Variants in PARD3 observed in about 807,000 individuals in gnomAD.
The protein encoded by PARD3 is par-3 family cell polarity regulator, also known as partitioning defective 3 homolog.
PARD3 carries 75 observed loss-of-function variants against 155.4 expected under a neutral mutation model. That is an observed-to-expected ratio of 0.48 (90% confidence interval 0.40 to 0.58). PARD3 has a LOEUF of 0.58. Ranked by LOEUF, PARD3 falls within the 20% of genes least tolerant of loss-of-function variation. The pLI is 0.00. For synonymous variants in PARD3, 576 were observed against 610.5 expected (o/e 0.94, Z 0.83); for missense variants, 1,642 against 1,721.7 (o/e 0.95, Z 0.82).
intron 22 of PARD3, among the ~76,000 whole-genome samples, chr10:34,220,632 T>C (rs1303484117): frequency 2.6e-5 from 4 of 152,172 alleles, no homozygotes; most frequent in African/African-American, 9.7e-5. Flanking sequence ...TGCCTAATTC[T>C]GCCTTACCTA....
intron 2 of PARD3, among the ~76,000 whole-genome samples, chr10:34,537,436 A>C (rs2083301707): frequency 1.3e-5 from 2 of 152,244 alleles, no homozygotes. Flanking sequence ...AGAAGGAAAT[A>C]AGAGCAGTAC....
At chr10:34,297,404 C>T (rs1242581128) in intron 20 of PARD3, among the ~76,000 whole-genome samples, 5 of 152,198 alleles carry the variant, frequency 3.3e-5, no homozygotes. Context: ...TATAATAAAA[C>T]TACTGTATAA....
chr10:34,474,520 C>A (rs1368951684), intron 3 of PARD3, among the ~76,000 whole-genome samples: 4 of 152,148 alleles, frequency 2.6e-5, no homozygotes, highest in African/African-American at 9.7e-5. Flanking sequence ...CACGCGTGCA[C>A]AAAGTTTAGT....
intron 2 of PARD3, among the ~76,000 whole-genome samples, chr10:34,613,212 T>C (rs1022510713): frequency 5.9e-5 from 9 of 152,174 alleles, no homozygotes; most frequent in African/African-American, 9.7e-5. Flanking sequence ...ATTTAAAACA[T>C]AGCAAAGTGA....
At chr10:34,407,761 G>A (rs1300203493) in intron 5 of PARD3, among the ~76,000 whole-genome samples, 1 of 151,962 alleles carries the variant, frequency 6.6e-6, no homozygotes, top group African/African-American at 2.4e-5. Flanking sequence ...TGAGCCCAGG[G>A]AGTTCAAGGC....
intron 1 of PARD3, among the ~76,000 whole-genome samples, chr10:34,756,392 A>G (rs1214216108): frequency 7.6e-5 from 11 of 145,062 alleles, no homozygotes; most frequent in Non-Finnish European, 3.0e-5. Context: ...TGACCTCATG[A>G]TCTGCCCGCC....
At chr10:34,597,322 T>C (rs1363314152) in intron 2 of PARD3, among the ~76,000 whole-genome samples, 1 of 151,706 alleles carries the variant, frequency 6.6e-6, no homozygotes, top group Non-Finnish European at 1.5e-5. Context: ...AATATTGATA[T>C]ACTGCTTGTG....
intron 5 of PARD3, among the ~76,000 whole-genome samples, chr10:34,442,473 C>CG (rs1394050520): frequency 6.6e-6 from 1 of 152,150 alleles, no homozygotes; most frequent in African/African-American, 2.4e-5. Flanking sequence ...AGGGGAGCCC[C>CG]GGTGGCTCAG....
chr10:34,786,501 C>T lies in PARD3; in HGVS notation c.120+28375G>A, dbSNP rs1389556679. ...GGAGGCTCTTAGGGATGGCAGAAGTCCACTGACATTTTGAACAGCCTTATA... is the reference window on the plus strand; with the variant it reads ...GGAGGCTCTTAGGGATGGCAGAAGTTCACTGACATTTTGAACAGCCTTATA... On this transcript the variant is annotated intron_variant, in intron 1 of 24. Coordinates refer to ENST00000374788, the MANE Select transcript of PARD3 (RefSeq NM_001184785.2). 2.0e-5 allele frequency among the ~76,000 whole-genome samples: 3 copies of T among 152,204 alleles called. No individual in the cohort carries two copies. The East Asian group carries it at 5.8e-4, about 29-fold the overall frequency.
At position 34,269,846 on chromosome 10, in the gene PARD3, T is replaced by C. The variant is rs1481547928; in HGVS notation, c.3230A>G (p.Tyr1077Cys). The change falls in exon 22 of 25, where the codon TAT becomes TGT. Residue 1077 changes from tyrosine (Y) to cysteine (C), a missense_variant. By Grantham distance (194) the Tyr-to-Cys change is radical. Around this residue, in one of 3 missense-constraint regions of PARD3, gnomAD observed 1,529 missense variants for 1,587.3 expected, o/e 0.96. Coordinates refer to ENST00000374788, the MANE Select transcript of PARD3 (RefSeq NM_001184785.2). The stretch of plus-strand genomic sequence containing the variant: ...CCGATGAAAATCTTGAATTTCAGCA[T>C]AGTCACGCTCTCGAGCTTGTCGTTC... ...FRERQARERD[Y>C]AEIQDFHRTF... is the part of the protein sequence containing the mutation. 4.3e-6 allele frequency: 7 copies of C among 1,613,936 alleles called. No homozygotes were observed. Among genetic ancestry groups the C allele is most frequent in the African/African-American group, 2.7e-5 (2 of 75,056 alleles).
chr10:34,710,599 G>C (rs1252587372), intron 1 of PARD3, among the ~76,000 whole-genome samples: 1 of 152,042 alleles, frequency 6.6e-6, no homozygotes, highest in Non-Finnish European at 1.5e-5. Context: ...CTTTCTAAAA[G>C]TCAAAATCCA....
intron 19 of PARD3, among the ~76,000 whole-genome samples, chr10:34,319,450 T>C (rs575202511): frequency 1.4e-5 from 2 of 146,268 alleles, no homozygotes; most frequent in Non-Finnish European, 2.9e-5. Flanking sequence ...TTGTAAGCCA[T>C]TGTCTTCCTC....
At chr10:34,119,380 G>GA (rs2132675003) in intron 24 of PARD3, among the ~76,000 whole-genome samples, 1 of 152,306 alleles carries the variant, frequency 6.6e-6, no homozygotes, top group South Asian at 2.1e-4. Context: ...CTTTTTTAGG[G>GA]AGCTTGTGGG....
intron 1 of PARD3, among the ~76,000 whole-genome samples, chr10:34,779,426 C>A (rs1268891063): frequency 1.3e-5 from 2 of 151,880 alleles, no homozygotes; most frequent in Non-Finnish European, 2.9e-5. Context: ...CTGGCTAACA[C>A]GGTGAAACCC....
At chr10:34,274,484 G>T (rs1955781358) in intron 21 of PARD3, among the ~76,000 whole-genome samples, 1 of 151,878 alleles carries the variant, frequency 6.6e-6, no homozygotes, top group South Asian at 2.1e-4. Flanking sequence ...ACATTCAATG[G>T]GATATTAATT....
intron 22 of PARD3, among the ~76,000 whole-genome samples, chr10:34,171,539 T>C (rs1045483015): frequency 6.6e-6 from 1 of 152,162 alleles, no homozygotes; most frequent in African/African-American, 2.4e-5. Context: ...GCAGGATCTG[T>C]GCGTCCACTG....
At chr10:34,433,465 C>T (rs2076045152) in intron 5 of PARD3, among the ~76,000 whole-genome samples, 1 of 152,160 alleles carries the variant, frequency 6.6e-6, no homozygotes, top group Non-Finnish European at 1.5e-5. Context: ...GAGTTCAGGA[C>T]ATTAATACCA....
chr10:34,478,066 T>C (rs966707926), intron 3 of PARD3, among the ~76,000 whole-genome samples: 2 of 152,222 alleles, frequency 1.3e-5, no homozygotes, highest in Admixed American at 1.3e-4. Context: ...TTGGAAGAAA[T>C]TTGTGGAAGG....
chr10:34,780,937 C>T (rs1001691285), intron 1 of PARD3, among the ~76,000 whole-genome samples: 3 of 152,210 alleles, frequency 2.0e-5, no homozygotes, highest in African/African-American at 7.2e-5. Flanking sequence ...TATGACTTCA[C>T]ACAGCTATAA....
Sources: gnomAD v4.1 joint callset for allele counts (sites outside exome capture counted in the v4.1 genomes callset) on GRCh38, gnomAD v4.1.1 for gene constraint, gnomAD v4.1.1 regional missense constraint, MANE v1.5 for transcripts, NCBI Gene and HGNC (gene_info 2026-07-23, HGNC 2026-07-21) for gene names.